HMBOX1: variants seen among roughly 807,000 people sequenced by gnomAD.
HMBOX1 encodes homeobox containing 1.
Under a neutral mutation model 54.5 loss-of-function variants are expected in HMBOX1, and 14 were observed. That is an observed-to-expected ratio of 0.26 (90% CI 0.17 to 0.40). The LOEUF (loss-of-function observed/expected upper bound fraction) is 0.40, where lower values mean the gene tolerates loss of function less well. HMBOX1 is among the 10% of genes least tolerant of loss of function. HMBOX1 has a pLI of 1.00. For synonymous variants in HMBOX1, 160 were observed against 181.0 expected, an observed-to-expected ratio of 0.88 and a Z score of 0.93; for missense variants, 332 against 514.4, an observed-to-expected ratio of 0.65 and a Z score of 3.43.
chr8:29,010,035 T>C (rs1834025259), intron 5 of HMBOX1: 2 of 984,750 alleles, frequency 2.0e-6, no homozygotes, highest in Non-Finnish European at 2.4e-6. Context: ...AAGAATGTCA[T>C]AGAGATGTAT....
intron 1 of HMBOX1, among the ~76,000 whole-genome samples, chr8:28,960,781 TTTTTTTTTTTTTTTTTTTTTTTTG>T (rs1825422993): frequency 2.2e-5 from 1 of 45,346 alleles, no homozygotes; most frequent in African/African-American, 7.1e-5. Context: ...TTTTTTTTTT[TTTTTTTTTTTTTTTTTTTTTTTTG>T]GAGACGGAGT....
At chr8:28,974,020 A>C (rs1405983480) in intron 3 of HMBOX1, among the ~76,000 whole-genome samples, 1 of 151,410 alleles carries the variant, frequency 6.6e-6, no homozygotes, top group East Asian at 1.9e-4. Context: ...TACCATGTTG[A>C]CCAGGCTGGT....
chr8:29,015,348 CTCTT>C (rs745666825), intron 5 of HMBOX1, among the ~76,000 whole-genome samples: 12 of 152,178 alleles, frequency 7.9e-5, no homozygotes, highest in Non-Finnish European at 1.3e-4. Context: ...CATCCTGAAG[CTCTT>C]TCTTTCTTTA....
intron 7 of HMBOX1, among the ~76,000 whole-genome samples, chr8:29,046,893 G>A (rs982816364): frequency 3.9e-5 from 6 of 152,128 alleles, no homozygotes; most frequent in Non-Finnish European, 8.8e-5. Context: ...GAGGTGGGAG[G>A]AGCACTTGAG....
chr8:28,987,443 G>T (rs1297224489), intron 4 of HMBOX1, among the ~76,000 whole-genome samples: 1 of 152,176 alleles, frequency 6.6e-6, no homozygotes, highest in African/African-American at 2.4e-5. Context: ...CAAGGTATCT[G>T]TGTGTGATAA....
intron 1 of HMBOX1, among the ~76,000 whole-genome samples, chr8:28,894,731 A>T (rs976688603): frequency 1.7e-4 from 26 of 152,050 alleles, no homozygotes; most frequent in African/African-American, 6.3e-4. Flanking sequence ...GTTTTCCTTG[A>T]CCTTAGATGA....
At chr8:28,913,223 C>T (rs1815811286) in intron 1 of HMBOX1, among the ~76,000 whole-genome samples, 1 of 152,214 alleles carries the variant, frequency 6.6e-6, no homozygotes, top group African/African-American at 2.4e-5. Context: ...TTTTTAAACC[C>T]TTGCCCTTAG....
At chr8:28,908,738 C>A (rs1443342265) in intron 1 of HMBOX1, among the ~76,000 whole-genome samples, 1 of 152,022 alleles carries the variant, frequency 6.6e-6, no homozygotes, top group Non-Finnish European at 1.5e-5. Context: ...TGGACTCCAG[C>A]CTGGGCGACA....
chr8:28,950,646 T>C (rs1167326398), intron 1 of HMBOX1, among the ~76,000 whole-genome samples: 3 of 152,198 alleles, frequency 2.0e-5, no homozygotes, highest in Non-Finnish European at 1.5e-5. Flanking sequence ...ACATTTAAAC[T>C]GACTATGCTT....
chr8:28,988,846 A>G (rs146709142), intron 4 of HMBOX1, among the ~76,000 whole-genome samples: 8 of 152,232 alleles, frequency 5.3e-5, no homozygotes, highest in African/African-American at 1.4e-4. Flanking sequence ...TAAGATATAC[A>G]TATTTCCTAG....
rs375890914 is a variant in HMBOX1 at position 28,968,482 on chromosome 8, A to G, written c.24-1561A>G. On this transcript the variant is annotated intron_variant, in intron 2 of 9. Transcript: ENST00000287701. ...TTTACTCAGATTTTTTGTGAAGTAC[A>G]AAACTACACTGAGCTTTAGTTTCCT... is the stretch of plus-strand genomic sequence containing the variant. 2.0e-5 allele frequency among the ~76,000 whole-genome samples: 3 copies of G among 152,376 alleles called. No homozygotes were observed. The East Asian group carries it at 5.8e-4, about 29-fold the overall frequency.
At chr8:29,008,132 T>A (rs543446124) in intron 4 of HMBOX1, among the ~76,000 whole-genome samples, 16 of 152,308 alleles carry the variant, frequency 1.1e-4, no homozygotes, top group Non-Finnish European at 2.9e-5. Context: ...ATAGGTAACC[T>A]TCTCTGGTAG....
chr8:28,968,567 G>T (rs957260564), intron 2 of HMBOX1, among the ~76,000 whole-genome samples: 1 of 152,148 alleles, frequency 6.6e-6, no homozygotes, highest in South Asian at 2.1e-4. Flanking sequence ...ATGGGGAGTT[G>T]CTGTGAGAAT....
intron 5 of HMBOX1, chr8:29,009,523 CTTTTTTTTTTTTT>C (rs10706846): frequency 2.2e-6 from 1 of 451,984 alleles, no homozygotes; most frequent in African/African-American, 3.5e-5. Context: ...TTCCGTATCT[CTTTTTTTTTTTTT>C]TTTTTTTTGC....
chr8:28,977,732 A>T (rs1048024798), intron 3 of HMBOX1, among the ~76,000 whole-genome samples: 1 of 152,034 alleles, frequency 6.6e-6, no homozygotes, highest in African/African-American at 2.4e-5. Context: ...CGAGGTCAGG[A>T]GATCAAGACC....
chr8:28,920,539 A>G (rs947309431), intron 1 of HMBOX1, among the ~76,000 whole-genome samples: 4 of 152,302 alleles, frequency 2.6e-5, no homozygotes, highest in African/African-American at 9.6e-5. Context: ...GTAAGCATGT[A>G]TTCATTTATG....
intron 4 of HMBOX1, among the ~76,000 whole-genome samples, chr8:29,006,333 T>TGGG (rs1235484680): frequency 1.3e-5 from 2 of 152,154 alleles, no homozygotes; most frequent in African/African-American, 4.8e-5. Flanking sequence ...TGTTTCACAT[T>TGGG]GGGGGCTATT....
intron 9 of HMBOX1, 23 bp from the exon 10 acceptor site, chr8:29,050,994 CA>C (rs1431760123): frequency 6.9e-6 from 11 of 1,604,380 alleles, no homozygotes; most frequent in Non-Finnish European, 9.3e-6. Context: ...CCACTAATAA[CA>C]TTTCTTATTT....
At chr8:28,932,190 G>C (rs1287278980) in intron 1 of HMBOX1, among the ~76,000 whole-genome samples, 2 of 152,214 alleles carry the variant, frequency 1.3e-5, no homozygotes, top group African/African-American at 4.8e-5. Context: ...GGTATTCAAG[G>C]ATCAGAAAGA....
Sources: gnomAD v4.1 joint callset for allele counts (sites outside exome capture counted in the v4.1 genomes callset) on GRCh38, gnomAD v4.1.1 for gene constraint, MANE v1.5 for transcripts, NCBI Gene and HGNC (gene_info 2026-07-23, HGNC 2026-07-21) for gene names.